SETD3: variants seen among roughly 807,000 people sequenced by gnomAD.
SETD3 encodes actin-histidine N-methyltransferase.
Under a neutral mutation model 63.0 loss-of-function variants are expected in SETD3, and 19 were observed. That is an observed-to-expected ratio of 0.30 (90% CI 0.21 to 0.44). The LOEUF is 0.44. SETD3 is among the 20% of genes least tolerant of loss of function. The pLI, the probability that SETD3 is intolerant of heterozygous loss-of-function variation, is 1.00. For synonymous variants in SETD3, 286 were observed against 264.1 expected (o/e 1.08, Z -0.80); for missense variants, 587 against 728.5 (o/e 0.81, Z 2.24).
chr14:99,475,952 C>T (rs1187569569), intron 1 of SETD3, among the ~76,000 whole-genome samples: 1 of 152,214 alleles, frequency 6.6e-6, no homozygotes, highest in Non-Finnish European at 1.5e-5. Flanking sequence ...AGTTTTTGAA[C>T]CTAAATGCAA....
chr14:99,481,298 C>T (rs1267219762), upstream of SETD3: 2 of 395,542 alleles, frequency 5.1e-6, no homozygotes, highest in Non-Finnish European at 4.5e-6. Context: ...GCGGCTCGTT[C>T]CTCTTTTGAG....
At chr14:99,436,416 G>C (rs1455072269) in intron 6 of SETD3, among the ~76,000 whole-genome samples, 1 of 152,076 alleles carries the variant, frequency 6.6e-6, no homozygotes, top group East Asian at 1.9e-4. Context: ...GAAGTGTTAG[G>C]CAAGACAGGG....
intron 2 of SETD3, among the ~76,000 whole-genome samples, chr14:99,465,013 G>A (rs776681365): frequency 3.9e-5 from 6 of 152,168 alleles, no homozygotes; most frequent in Non-Finnish European, 4.4e-5. Flanking sequence ...ACACAGGCCT[G>A]TAGTCCCAGC....
intron 6 of SETD3, among the ~76,000 whole-genome samples, chr14:99,424,172 C>G (rs1011090253): frequency 6.6e-6 from 1 of 152,204 alleles, no homozygotes; most frequent in African/African-American, 2.4e-5. Context: ...CTATCTTTTA[C>G]TATAAGATGT....
intron 2 of SETD3, 53 bp downstream of exon 2, chr14:99,465,650 G>C: frequency 3.5e-6 from 5 of 1,444,148 alleles, no homozygotes; most frequent in Non-Finnish European, 3.9e-6. Context: ...TGACAAAGAA[G>C]AAAAAGGCAC....
Position 99,410,333 on chromosome 14 carries a change from G to T in SETD3, c.849+2618C>A, listed in dbSNP as rs79061763. 431 of 1,395,942 alleles carry T rather than the reference G, an allele frequency of 3.1e-4. No individual in the cohort carries two copies. The African/African-American group carries it at 5.8e-3, about 19-fold the overall frequency. The allele number at this position is 1,395,942 out of a possible 1,614,324, so 86.5% of individuals were successfully genotyped here. ...TAAAAATGGGCTTTTGAGACTGTAA[G>T]ACTCATCTAAATATAAATGTTTTAG... On this transcript the variant is annotated intron_variant, in intron 8 of 12. Transcript: ENST00000331768.
chr14:99,420,394 A>C (rs933066308), intron 6 of SETD3, among the ~76,000 whole-genome samples: 2 of 152,166 alleles, frequency 1.3e-5, no homozygotes, highest in African/African-American at 4.8e-5. Flanking sequence ...GGAATGGGAC[A>C]AAAAAATCTT....
At chr14:99,403,455 A>ACACTCTCTCTCTCT (rs1416541957) in intron 11 of SETD3, among the ~76,000 whole-genome samples, 2 of 135,538 alleles carry the variant, frequency 1.5e-5, no homozygotes, top group African/African-American at 6.0e-5. Context: ...ACACACACAC[A>ACACTCTCTCTCTCT]CTCTCTCTCT....
rs3809413 is a variant in SETD3 at position 99,467,367 on chromosome 14, T to C, written c.-8-1554A>G. ...GACAGACAGCTTAAGCACCTTTTCC[T>C]ATGCTTAAGAAATGTCTTCTTAGAA... On this transcript the variant is annotated intron_variant, in intron 1 of 12. Coordinates refer to ENST00000331768, the MANE Select transcript of SETD3 (RefSeq NM_032233.3). Among the ~76,000 whole-genome samples, 1,519 of 152,328 alleles carry C rather than the reference T, an allele frequency of 1.0e-2. 43 individuals carry two copies. The highest frequency in any genetic ancestry group is 0.094 in the East Asian group (486 of 5,172).
chr14:99,468,226 C>A (rs1273485433), intron 1 of SETD3, among the ~76,000 whole-genome samples: 1 of 151,622 alleles, frequency 6.6e-6, no homozygotes, highest in African/African-American at 2.4e-5. Flanking sequence ...TGGCCCCACA[C>A]CCCGCCACAA....
upstream of SETD3, chr14:99,481,289 C>T: frequency 5.1e-6 from 2 of 394,242 alleles, no homozygotes; most frequent in Non-Finnish European, 8.9e-6. Context: ...AGGAGAGCGG[C>T]GGCTCGTTCC....
At chr14:99,451,311 C>T (rs913124045) in intron 6 of SETD3, among the ~76,000 whole-genome samples, 1 of 152,068 alleles carries the variant, frequency 6.6e-6, no homozygotes, top group African/African-American at 2.4e-5. Flanking sequence ...CCACCATGAG[C>T]CCTCTCTTCT....
At chr14:99,466,861 A>T (rs1160659060) in intron 1 of SETD3, among the ~76,000 whole-genome samples, 1 of 152,232 alleles carries the variant, frequency 6.6e-6, no homozygotes, top group Non-Finnish European at 1.5e-5. Context: ...GCGATCCATA[A>T]GCTAATGAAT....
intron 1 of SETD3, chr14:99,478,776 C>T (rs931619220): frequency 1.3e-5 from 2 of 152,210 alleles, no homozygotes; most frequent in African/African-American, 4.8e-5. Flanking sequence ...CTCCTCCAGG[C>T]AGGAGAGTAC....
At chr14:99,444,155 T>C (rs1222627445) in intron 6 of SETD3, among the ~76,000 whole-genome samples, 1 of 152,082 alleles carries the variant, frequency 6.6e-6, no homozygotes, top group Non-Finnish European at 1.5e-5. Context: ...AAAACATCAG[T>C]GGAAAAGGCA....
In SETD3 at chr14:99,398,864, C is replaced by T. The variant is rs781251365; in HGVS notation, c.1600G>A (p.Asp534Asn). The change falls in exon 13 of 13, where the codon GAT becomes AAT. Residue 534 changes from aspartate to asparagine, a missense_variant. Asp to Asn is a conservative substitution (Grantham distance 23). Transcript: ENST00000331768. The stretch of plus-strand genomic sequence containing the variant: ...ATTGCCTCTCTGATGTTCAAGGCAT[C>T]CTGCACTCCAGCCTCCTCCTCGAGG... ...RNLEEEAGVQ[D>N]ALNIREAISK... 1 of 1,614,220 alleles carries T rather than the reference C, an allele frequency of 6.2e-7. No homozygotes were observed. The highest frequency in any genetic ancestry group is 8.5e-7 in the Non-Finnish European group (1 of 1,180,040).
rs200956499 is a variant in SETD3 at position 99,458,347 on chromosome 14, T to C, written c.607A>G (p.Ile203Val). The C allele has an allele frequency of 5.5e-5, 88 of 1,614,168 alleles. No individual in the cohort carries two copies. The Middle Eastern group carries it at 6.6e-4, about 12-fold the overall frequency. The change falls in exon 6 of 13, where the codon ATA becomes GTA. Residue 203 changes from isoleucine to valine, a missense_variant. Coordinates refer to ENST00000331768, the MANE Select transcript of SETD3 (RefSeq NM_032233.3). ...EVRYLQSTQA[I>V]HDVFSQYKNT... ...TTATACTGGCTGAAGACATCATGTA[T>C]AGCTTGTGTGGACTGAAGATACCGA...
At chr14:99,445,659 C>T (rs1039340950) in intron 6 of SETD3, among the ~76,000 whole-genome samples, 2 of 152,142 alleles carry the variant, frequency 1.3e-5, no homozygotes, top group South Asian at 4.2e-4. Context: ...TATGGGTATA[C>T]CAATATATCA....
chr14:99,457,694 C>T (rs1894836648), intron 6 of SETD3, among the ~76,000 whole-genome samples: 1 of 152,212 alleles, frequency 6.6e-6, no homozygotes, highest in South Asian at 2.1e-4. Context: ...TTCCTTCTGA[C>T]TGCTGTTCAA....
Sources: gnomAD v4.1 joint callset for allele counts (sites outside exome capture counted in the v4.1 genomes callset) on GRCh38, gnomAD v4.1.1 for gene constraint, MANE v1.5 for transcripts, NCBI Gene and HGNC (gene_info 2026-07-23, HGNC 2026-07-21) for gene names.